GLYR1: variants seen among roughly 807,000 people sequenced by gnomAD.
The protein encoded by GLYR1 is cytokine-like nuclear factor N-PAC.
GLYR1 carries 21 observed loss-of-function variants against 72.7 expected under a neutral mutation model. The observed-to-expected ratio is 0.29, with a 90% CI of 0.20 to 0.42. GLYR1 has a LOEUF of 0.42. Among genes scored for constraint, GLYR1 ranks in the 10% least tolerant of loss-of-function variants. The pLI is 1.00. For synonymous variants in GLYR1, 392 were observed against 270.2 expected (o/e 1.45, Z -4.42); for missense variants, 594 against 712.1 (o/e 0.83, Z 1.89).
chr16:4,840,766 C>T (rs2085492467), intron 3 of GLYR1, among the ~76,000 whole-genome samples: 1 of 152,172 alleles, frequency 6.6e-6, no homozygotes, highest in Admixed American at 6.5e-5. Flanking sequence ...AATCAGGGAG[C>T]AAGGTGGAAC....
Position 4,818,652 on chromosome 16 carries a change from A to T in GLYR1, c.807-955T>A, listed in dbSNP as rs147838943. Among the ~76,000 whole-genome samples, 198 of 152,278 alleles carry T rather than the reference A, an allele frequency of 1.3e-3. 2 individuals are homozygous for T. The highest frequency in any genetic ancestry group is 4.6e-3 in the African/African-American group (193 of 41,554). ...GAAGCACTGTGTTTAGAGCCAGGCA[A>T]CTTCCTTGACTGCATGAACCAGGAC... is the stretch of plus-strand genomic sequence containing the variant. On this transcript the variant is annotated intron_variant, in intron 9 of 15. Coordinates refer to ENST00000321919, the MANE Select transcript of GLYR1 (RefSeq NM_032569.4).
intron 4 of GLYR1, 101 bp downstream of exon 4, chr16:4,832,673 A>C: frequency 1.5e-6 from 2 of 1,337,846 alleles, no homozygotes; most frequent in Non-Finnish European, 1.0e-6. Flanking sequence ...GTAGCATTTC[A>C]GAAGAACAAA....
intron 3 of GLYR1, among the ~76,000 whole-genome samples, chr16:4,838,073 A>G (rs1157136471): frequency 6.6e-6 from 1 of 152,138 alleles, no homozygotes; most frequent in Non-Finnish European, 1.5e-5. Context: ...AACAATTTCT[A>G]TGGGTGCCTT....
At chr16:4,826,301 T>C (rs995110055) in intron 5 of GLYR1, among the ~76,000 whole-genome samples, 1 of 152,250 alleles carries the variant, frequency 6.6e-6, no homozygotes, top group Admixed American at 6.5e-5. Flanking sequence ...TTATAGGGTC[T>C]TGCTATGTTG....
At chr16:4,822,954 T>C in intron 6 of GLYR1, 23 bp from the exon 7 acceptor site, 2 of 1,607,976 alleles carry the variant, frequency 1.2e-6, no homozygotes, top group South Asian at 1.1e-5. Context: ...AACAGTGAAA[T>C]AAAACCAGTT....
intron 3 of GLYR1, among the ~76,000 whole-genome samples, chr16:4,833,549 C>T (rs1326660317): frequency 1.3e-5 from 2 of 151,656 alleles, no homozygotes; most frequent in Admixed American, 6.6e-5. Flanking sequence ...GGCTACTAAA[C>T]CACACAAAAC....
intron 12 of GLYR1, among the ~76,000 whole-genome samples, chr16:4,813,316 C>T (rs538659464): frequency 5.9e-5 from 9 of 152,260 alleles, no homozygotes; most frequent in East Asian, 5.8e-4. Context: ...GTCAATGGCT[C>T]GGCTGAACAC....
Position 4,814,597 on chromosome 16 carries a change from T to C in GLYR1, c.957A>G (p.Glu319=), listed in dbSNP as rs1313841695. Residue 319 remains glutamate, a synonymous_variant, in exon 11 of 16, where the codon GAA becomes GAG. Coordinates refer to ENST00000321919, the MANE Select transcript of GLYR1 (RefSeq NM_032569.4). ...AAGTGATGTCGCAGGTTGAGACGAC[T>C]TCAGCGGGGGTTCTTCCCAGACGGG... ...EGARLGRTPA[E]VVSTCDITFA... is the part of the protein sequence containing the mutation. 11 of 1,614,040 alleles carry C rather than the reference T, an allele frequency of 6.8e-6. No homozygotes were observed. Among genetic ancestry groups the C allele is most frequent in the Admixed American group, 1.7e-5 (1 of 59,998 alleles).
At chr16:4,823,657 C>A (rs1199757045) in intron 6 of GLYR1, among the ~76,000 whole-genome samples, 164 bp downstream of exon 6, 1 of 151,476 alleles carries the variant, frequency 6.6e-6, no homozygotes, top group South Asian at 2.1e-4. Flanking sequence ...AGTGCTCACC[C>A]TAGAGGGAAA....
intron 15 of GLYR1, among the ~76,000 whole-genome samples, chr16:4,807,507 T>A (rs2083060462): frequency 6.6e-6 from 1 of 152,150 alleles, no homozygotes; most frequent in African/African-American, 2.4e-5. Context: ...CAGCCCCAAA[T>A]TGAACCACAT....
At chr16:4,837,078 T>C (rs982080142) in intron 3 of GLYR1, among the ~76,000 whole-genome samples, 2 of 152,204 alleles carry the variant, frequency 1.3e-5, no homozygotes, top group African/African-American at 2.4e-5. Flanking sequence ...CCAATCAAAA[T>C]GAATTAAAAT....
rs543650985 is a variant in GLYR1, at chr16:4,845,910, G to C, written c.75+264C>G. Among the ~76,000 whole-genome samples the C allele has an allele frequency of 2.6e-5, 4 of 152,256 alleles. No homozygotes were observed. The East Asian group carries it at 7.7e-4, about 29-fold the overall frequency. On this transcript the variant is annotated intron_variant, in intron 2 of 15. Coordinates refer to ENST00000321919, the MANE Select transcript of GLYR1 (RefSeq NM_032569.4). ...ACATTTAAGCATAAAGCTAAATTCA[G>C]ACTAGAATTATTTCCGGGGTTAAAA...
chr16:4,836,562 A>G (rs1317669864), intron 3 of GLYR1, among the ~76,000 whole-genome samples: 1 of 152,214 alleles, frequency 6.6e-6, no homozygotes, highest in African/African-American at 2.4e-5. Flanking sequence ...AGGCAAGGTC[A>G]TTACAGAGAA....
Position 4,814,549 on chromosome 16 carries a change from C to A in GLYR1, c.1005G>T (p.Lys335Asn), listed in dbSNP as rs755116976. The A allele has an allele frequency of 1.2e-6, 2 of 1,613,602 alleles. No individual in the cohort carries two copies. The highest frequency in any genetic ancestry group is 1.7e-6 in the Non-Finnish European group (2 of 1,179,990). Reference sequence around the variant, plus strand: ...AGGGGGTCCTTACGTCCTTGGCCGCCTTGGGATCCGACACGCAGGCGAAAG... The same window carrying A: ...AGGGGGTCCTTACGTCCTTGGCCGCATTGGGATCCGACACGCAGGCGAAAG... Reference protein sequence around the residue: ...DITFACVSDPKAAKDLVLGPS... With the variant: ...DITFACVSDPNAAKDLVLGPS... The change falls in exon 11 of 16, where the codon AAG becomes AAT. Residue 335 changes from lysine (K) to asparagine (N), a missense_variant. Lys to Asn is a moderately conservative substitution (Grantham distance 94). Around this residue, in one of 5 missense-constraint regions of GLYR1, gnomAD observed 266 missense variants for 358.4 expected, o/e 0.74. Transcript: ENST00000321919.
intron 1 of GLYR1, 90 bp from the exon 2 acceptor site, chr16:4,846,300 C>A: frequency 7.1e-7 from 1 of 1,414,920 alleles, no homozygotes. Context: ...TTTCCTAAAT[C>A]TCTGCTGGCA....
Position 4,814,536 on chromosome 16 carries a change from C to A in GLYR1, c.1017+1G>T. On this transcript the variant is annotated splice_donor_variant, in intron 11 of 15. Transcript: ENST00000321919. LOFTEE classifies it high-confidence loss of function. ...GCTGAGGGGAGGGAGGGGGTCCTTA[C>A]GTCCTTGGCCGCCTTGGGATCCGAC... 1 of 1,612,478 alleles carries A rather than the reference C, an allele frequency of 6.2e-7. No individual in the cohort carries two copies.
chr16:4,803,312 CA>C lies in GLYR1; in HGVS notation c.*1923del, dbSNP rs1567612351. 6.6e-6 allele frequency: 1 copy of C among 152,616 alleles called. No individual in the cohort carries two copies. Among genetic ancestry groups the C allele is most frequent in the Admixed American group, 6.5e-5 (1 of 15,282 alleles). 9.5% of individuals were successfully genotyped at this position (152,616 alleles called of 1,614,324 possible). A position where few individuals can be genotyped will look rare whatever the true frequency, so the allele number is the denominator to read the frequency against. On this transcript the variant is annotated 3_prime_UTR_variant, in exon 16 of 16. Coordinates refer to ENST00000321919, the MANE Select transcript of GLYR1 (RefSeq NM_032569.4). ...TATCACACAATCCTATTCTGAAAGA[CA>C]AATGTTCATTAAAAACAAAGCAAAA...
Position 4,832,763 on chromosome 16 carries a change from G to A in GLYR1, c.294+11C>T. On this transcript the variant is annotated intron_variant, in intron 4 of 15. Transcript: ENST00000321919. ...CTGGCATTGGTAGAAAGTGAACATT[G>A]TGTCTCTCACCTGGTCTTTCCCTTT... is the stretch of plus-strand genomic sequence containing the variant. The A allele has an allele frequency of 6.3e-7, 1 of 1,598,488 alleles. No individual in the cohort carries two copies. The highest frequency in any genetic ancestry group is 2.3e-5 in the East Asian group (1 of 44,404).
At chr16:4,830,026 A>T (rs189970484) in intron 5 of GLYR1, among the ~76,000 whole-genome samples, 1 of 151,222 alleles carries the variant, frequency 6.6e-6, no homozygotes, top group African/African-American at 2.4e-5. Context: ...CTGGTCTAGA[A>T]CTCCTGGGCT....
Sources: gnomAD v4.1 joint callset for allele counts (sites outside exome capture counted in the v4.1 genomes callset) on GRCh38, gnomAD v4.1.1 for gene constraint, gnomAD v4.1.1 regional missense constraint, MANE v1.5 for transcripts, NCBI Gene and HGNC (gene_info 2026-07-23, HGNC 2026-07-21) for gene names.